Variants in RXRG observed in about 807,000 individuals in gnomAD.
RXRG encodes the protein retinoid X receptor gamma, also known as retinoic acid receptor RXR-gamma.
In RXRG, 19 loss-of-function variants were observed where a neutral mutation model predicts 49.2. That is an observed-to-expected ratio of 0.39 (90% CI 0.27 to 0.57). RXRG has a LOEUF of 0.57. RXRG is among the 20% of genes least tolerant of loss of function. The pLI is 0.64. For missense variants in RXRG, 452 were observed against 592.5 expected (o/e 0.76, Z 2.46); for synonymous variants, 224 against 216.6 (o/e 1.03, Z -0.30).
At chr1:165,436,877 C>T (rs943849498) in intron 1 of RXRG, 11 of 1,094,302 alleles carry the variant, frequency 1.0e-5, no homozygotes, top group Non-Finnish European at 1.2e-5. Flanking sequence ...AAAGATCAAT[C>T]CCAAACTCCT....
chr1:165,419,746 TG>T, intron 3 of RXRG, 123 bp downstream of exon 3: 1 of 714,408 alleles, frequency 1.4e-6, no homozygotes, highest in Non-Finnish European at 2.2e-6. Context: ...AACGTATAGG[TG>T]GGTCCCCAGT....
intron 8 of RXRG, 75 bp from the exon 9 acceptor site, chr1:165,406,992 C>T: frequency 1.1e-6 from 1 of 898,178 alleles, no homozygotes; most frequent in Non-Finnish European, 1.7e-6. Flanking sequence ...TCTGGCCACT[C>T]TCTGTAGAGT....
intron 1 of RXRG, among the ~76,000 whole-genome samples, chr1:165,430,141 C>A (rs1398941698): frequency 1.3e-5 from 2 of 152,180 alleles, no homozygotes; most frequent in African/African-American, 4.8e-5. Flanking sequence ...GGATTAAGTG[C>A]TCAGTAAGCA....
chr1:165,434,460 C>A (rs529965831), intron 1 of RXRG, among the ~76,000 whole-genome samples: 1 of 152,202 alleles, frequency 6.6e-6, no homozygotes, highest in Non-Finnish European at 1.5e-5. Context: ...ACTGGCCAGA[C>A]AAGGGAGCAA....
intron 1 of RXRG, among the ~76,000 whole-genome samples, chr1:165,442,004 C>T (rs754377261): frequency 1.3e-5 from 2 of 152,208 alleles, no homozygotes; most frequent in Non-Finnish European, 2.9e-5. Context: ...GTCCCAGACA[C>T]AAATCTCAGG....
chr1:165,437,291 A>C (rs945767812), intron 1 of RXRG: 1 of 1,221,780 alleles, frequency 8.2e-7, no homozygotes, highest in Non-Finnish European at 1.1e-6. Flanking sequence ...CACCAAGAGC[A>C]TGAAGCCCAT....
At chr1:165,403,784 AT>A (rs1371517582) in intron 9 of RXRG, among the ~76,000 whole-genome samples, 2 of 152,224 alleles carry the variant, frequency 1.3e-5, no homozygotes, top group East Asian at 3.8e-4. Flanking sequence ...AAAGGCCACG[AT>A]TTTACAATAT....
chr1:165,417,271 T>A, intron 3 of RXRG, 51 bp from the exon 4 acceptor site: 11 of 1,519,480 alleles, frequency 7.2e-6, no homozygotes, highest in Non-Finnish European at 9.8e-6. Flanking sequence ...TTTATTTGGA[T>A]CTTTCATTCA....
intron 1 of RXRG, among the ~76,000 whole-genome samples, chr1:165,433,896 T>G (rs143684531): frequency 4.5e-4 from 68 of 152,346 alleles, no homozygotes; most frequent in Admixed American, 1.4e-3. Flanking sequence ...GAAGGGAATC[T>G]GTACAGTGCA....
Position 165,410,714 on chromosome 1 carries a change from A to C in RXRG, c.901T>G (p.Leu301Val), listed in dbSNP as rs1455798370. The C allele has an allele frequency of 6.2e-7, 1 of 1,614,018 alleles. No homozygotes were observed. ...CAATGTGCTTTACCTGCCCGAAGCAAAATGACCTGGTCCTCCAAGGTGAGG... is the reference window on the plus strand; with the variant it reads ...CAATGTGCTTTACCTGCCCGAAGCACAATGACCTGGTCCTCCAAGGTGAGG... ...SDLTLEDQVI[L>V]LRAGWNELLI... The change falls in exon 6 of 10, where the codon TTG becomes GTG. Residue 301 changes from leucine to valine, a missense_variant. This residue lies in a region of RXRG where 286 missense variants were observed against 440.9 expected (regional missense o/e 0.65). Transcript: ENST00000359842.
intron 1 of RXRG, among the ~76,000 whole-genome samples, chr1:165,431,417 C>T (rs990945182): frequency 3.3e-5 from 5 of 152,176 alleles, no homozygotes; most frequent in African/African-American, 9.7e-5. Flanking sequence ...TGACATTTAA[C>T]GAGGCCAATG....
intron 4 of RXRG, among the ~76,000 whole-genome samples, chr1:165,415,779 C>G (rs891544727): frequency 1.3e-5 from 2 of 152,156 alleles, no homozygotes; most frequent in African/African-American, 4.8e-5. Context: ...AGATTTGGGT[C>G]TCTCACTTTT....
intron 1 of RXRG, among the ~76,000 whole-genome samples, chr1:165,435,351 G>T (rs954116529): frequency 6.6e-6 from 1 of 152,164 alleles, no homozygotes; most frequent in Non-Finnish European, 1.5e-5. Flanking sequence ...TTGGAAATAA[G>T]GTACTATTAG....
intron 9 of RXRG, among the ~76,000 whole-genome samples, chr1:165,404,644 G>A (rs1252454144): frequency 3.9e-5 from 6 of 151,988 alleles, no homozygotes; most frequent in Non-Finnish European, 8.8e-5. Context: ...CATGACATGC[G>A]TAATACATAA....
intron 1 of RXRG, among the ~76,000 whole-genome samples, chr1:165,437,669 G>A (rs1174750811): frequency 1.3e-5 from 2 of 152,178 alleles, no homozygotes; most frequent in East Asian, 3.9e-4. Flanking sequence ...GGAACGAGAG[G>A]AGAACTGGGG....
intron 2 of RXRG, chr1:165,424,958 G>A: frequency 1.0e-6 from 1 of 985,548 alleles, no homozygotes; most frequent in Non-Finnish European, 1.2e-6. Context: ...CCCAAGCCCA[G>A]AACACTGCTC....
At chr1:165,444,727 G>T (rs1659105262) in intron 1 of RXRG, 118 bp downstream of exon 1, 4 of 875,348 alleles carry the variant, frequency 4.6e-6, no homozygotes, top group Non-Finnish European at 5.7e-6. Flanking sequence ...CACTATATAT[G>T]CATATAAACA....
In RXRG at chr1:165,440,568, T is replaced by A. The variant is rs564751644; in HGVS notation, c.49+4277A>T. ...ATTTTGAAGCATTTCAGATTTTAGATGCTTGGATTAGGGATACTCAACCTG... is the reference window on the plus strand; with the variant it reads ...ATTTTGAAGCATTTCAGATTTTAGAAGCTTGGATTAGGGATACTCAACCTG... On this transcript the variant is annotated intron_variant, in intron 1 of 9. Coordinates refer to ENST00000359842, the MANE Select transcript of RXRG (RefSeq NM_006917.5). Among the ~76,000 whole-genome samples, 4 of 152,358 alleles carry A rather than the reference T, an allele frequency of 2.6e-5. No homozygotes were observed. In the South Asian group the frequency reaches 8.3e-4, roughly 32 times the overall value.
At chr1:165,435,149 A>G (rs1658785962) in intron 1 of RXRG, among the ~76,000 whole-genome samples, 1 of 152,256 alleles carries the variant, frequency 6.6e-6, no homozygotes, top group Admixed American at 6.5e-5. Context: ...GGAATGCAAA[A>G]CAAGTAAGCA....
Sources: allele counts gnomAD v4.1 joint callset (sites outside exome capture counted in the v4.1 genomes callset), GRCh38; gene constraint gnomAD v4.1.1; regional missense constraint gnomAD v4.1.1; transcripts MANE v1.5; gene names NCBI Gene and HGNC (gene_info 2026-07-23, HGNC 2026-07-21).